EHMT1: variants seen among roughly 807,000 people sequenced by gnomAD.
The protein encoded by EHMT1 is euchromatic histone lysine methyltransferase 1, also known as histone-lysine N-methyltransferase EHMT1.
EHMT1 carries 15 observed loss-of-function variants against 147.2 expected under a neutral mutation model. That is an observed-to-expected ratio of 0.10 (90% CI 0.07 to 0.16). EHMT1 has a LOEUF of 0.16. Among genes scored for constraint, EHMT1 ranks in the 10% least tolerant of loss-of-function variants. EHMT1 has a pLI of 1.00. For missense variants in EHMT1, 1,587 were observed against 1,772.4 expected (o/e 0.90, Z 1.88); for synonymous variants, 795 against 709.6 (o/e 1.12, Z -1.91).
At chr9:137,705,383 T>A (rs1170702554) in intron 1 of EHMT1, among the ~76,000 whole-genome samples, 1 of 152,222 alleles carries the variant, frequency 6.6e-6, no homozygotes, top group Non-Finnish European at 1.5e-5. Context: ...TAAGAAGAAC[T>A]TCCAAGGAGC....
At chr9:137,620,777 C>G (rs574026652) in intron 1 of EHMT1, among the ~76,000 whole-genome samples, 3 of 152,236 alleles carry the variant, frequency 2.0e-5, no homozygotes, top group African/African-American at 7.2e-5. Context: ...GTGTTGGGCA[C>G]GTAGTAGGTG....
At chr9:137,644,329 T>A (rs976760866) in intron 1 of EHMT1, among the ~76,000 whole-genome samples, 7 of 95,322 alleles carry the variant, frequency 7.3e-5, no homozygotes, top group Non-Finnish European at 1.3e-4. Context: ...AGTCACATAC[T>A]TTTTTTTTTT....
At chr9:137,779,800 C>G in intron 14 of EHMT1, 83 bp downstream of exon 14, 1 of 1,472,294 alleles carries the variant, frequency 6.8e-7, no homozygotes, top group Non-Finnish European at 9.3e-7. Flanking sequence ...ACTCCTTCCT[C>G]AGGAGGCTGG....
chr9:137,766,942 C>T (rs530256038), intron 10 of EHMT1, among the ~76,000 whole-genome samples: 1 of 152,076 alleles, frequency 6.6e-6, no homozygotes, highest in African/African-American at 2.4e-5. Context: ...CTGAGCCTCC[C>T]GAGTGGCTGG....
intron 1 of EHMT1, among the ~76,000 whole-genome samples, chr9:137,619,362 TGCCGCC>T (rs1300852570): frequency 1.3e-5 from 2 of 149,780 alleles, no homozygotes; most frequent in Admixed American, 6.6e-5. Flanking sequence ...ACGGACCCCG[TGCCGCC>T]GCCGCCGCCC....
chr9:137,728,720 C>A, intron 4 of EHMT1, 191 bp downstream of exon 4: 1 of 680,436 alleles, frequency 1.5e-6, no homozygotes, highest in Non-Finnish European at 2.5e-6. Context: ...TAAGCCTTGT[C>A]TCATGCCAGC....
chr9:137,745,060 A>G (rs1318769200), intron 6 of EHMT1, among the ~76,000 whole-genome samples: 1 of 152,254 alleles, frequency 6.6e-6, no homozygotes, highest in Non-Finnish European at 1.5e-5. Flanking sequence ...GTGTCCAACC[A>G]TGTTTATTTA....
chr9:137,770,660 G>A (rs1950533847), intron 10 of EHMT1, among the ~76,000 whole-genome samples: 2 of 152,190 alleles, frequency 1.3e-5, no homozygotes, highest in East Asian at 1.9e-4. Context: ...CATAGGGTTC[G>A]CTTCCCTCCC....
chr9:137,744,127 G>A, intron 6 of EHMT1, 37 bp downstream of exon 6: 1 of 1,612,104 alleles, frequency 6.2e-7, no homozygotes, highest in Non-Finnish European at 8.5e-7. Context: ...CACAAGGAAA[G>A]AGCATCACAA....
intron 6 of EHMT1, among the ~76,000 whole-genome samples, chr9:137,751,477 C>T (rs765098305): frequency 3.3e-4 from 50 of 152,084 alleles, no homozygotes; most frequent in Non-Finnish European, 5.4e-4. Context: ...GATGTGAAGT[C>T]GCATGGGTGC....
At chr9:137,685,402 A>G (rs947345451) in intron 1 of EHMT1, 1 of 152,220 alleles carries the variant, frequency 6.6e-6, no homozygotes, top group African/African-American at 2.4e-5. Context: ...AAGGTTTTCA[A>G]GATTCACCCA....
At chr9:137,654,256 C>T (rs1166544416) in intron 1 of EHMT1, among the ~76,000 whole-genome samples, 1 of 151,974 alleles carries the variant, frequency 6.6e-6, no homozygotes, top group African/African-American at 2.4e-5. Context: ...CCCAGCTGTT[C>T]AAGAGGCTGA....
At chr9:137,800,059 A>G (rs1018772261) in intron 17 of EHMT1, among the ~76,000 whole-genome samples, 3 of 152,090 alleles carry the variant, frequency 2.0e-5, no homozygotes. Flanking sequence ...TAGGATGTGC[A>G]GGCTGACTGT....
chr9:137,830,061 C>T (rs905947806), intron 25 of EHMT1, among the ~76,000 whole-genome samples: 2 of 151,578 alleles, frequency 1.3e-5, no homozygotes, highest in Non-Finnish European at 2.9e-5. Flanking sequence ...TTTTTTCTTT[C>T]CTCTGTTTTG....
intron 14 of EHMT1, among the ~76,000 whole-genome samples, chr9:137,781,356 A>G (rs77017596): frequency 1.4e-3 from 136 of 100,634 alleles, no homozygotes; most frequent in South Asian, 2.5e-3. Context: ...GATGACGCTG[A>G]GACGTGTGGT....
chr9:137,696,462 T>G (rs923550928), intron 1 of EHMT1, among the ~76,000 whole-genome samples: 1 of 152,240 alleles, frequency 6.6e-6, no homozygotes, highest in African/African-American at 2.4e-5. Context: ...GACATTTTTC[T>G]TATTTTGACT....
intron 18 of EHMT1, among the ~76,000 whole-genome samples, chr9:137,803,643 G>T (rs943125519): frequency 3.9e-5 from 6 of 152,066 alleles, no homozygotes; most frequent in Non-Finnish European, 5.9e-5. Context: ...AAACCCCTGG[G>T]AGTAGAATGG....
intron 1 of EHMT1, among the ~76,000 whole-genome samples, chr9:137,686,780 G>A (rs1474983222): frequency 1.4e-5 from 2 of 145,690 alleles, no homozygotes; most frequent in Non-Finnish European, 3.0e-5. Context: ...ACCCAGGCTA[G>A]AGTGCAGTGG....
intron 1 of EHMT1, among the ~76,000 whole-genome samples, chr9:137,657,240 C>T (rs868135560): frequency 6.6e-6 from 1 of 152,160 alleles, no homozygotes; most frequent in Admixed American, 6.5e-5. Flanking sequence ...GTGGGGCAGC[C>T]AGCTCAGCTG....
Sources: allele counts gnomAD v4.1 joint callset (sites outside exome capture counted in the v4.1 genomes callset), GRCh38; gene constraint gnomAD v4.1.1; transcripts MANE v1.5; gene names NCBI Gene and HGNC (gene_info 2026-07-23, HGNC 2026-07-21).